GPHN: variants seen among roughly 807,000 people sequenced by gnomAD.
GPHN encodes gephyrin.
Under a neutral mutation model 95.5 loss-of-function variants are expected in GPHN, and 17 were observed. The observed-to-expected ratio is 0.18, with a 90% confidence interval of 0.12 to 0.27. The LOEUF is 0.27. Ranked by LOEUF, GPHN falls within the 10% of genes least tolerant of loss-of-function variation. The pLI is 1.00. For synonymous variants in GPHN, 320 were observed against 322.5 expected, an observed-to-expected ratio of 0.99 and a Z score of 0.08; for missense variants, 660 against 978.1, an observed-to-expected ratio of 0.67 and a Z score of 4.34.
chr14:66,572,290 G>A (rs1034148663), intron 1 of GPHN, among the ~76,000 whole-genome samples: 2 of 152,172 alleles, frequency 1.3e-5, no homozygotes, highest in African/African-American at 4.8e-5. Flanking sequence ...TGTGAAAAAT[G>A]CCATTGGAAT....
chr14:66,805,735 G>A (rs1314498795), intron 3 of GPHN, among the ~76,000 whole-genome samples: 1 of 152,202 alleles, frequency 6.6e-6, no homozygotes, highest in Non-Finnish European at 1.5e-5. Flanking sequence ...AGGCCACACT[G>A]ATGCAAGAGG....
At chr14:67,332,064 TTG>T in the GPHN span, among the ~76,000 whole-genome samples, 1 of 152,232 alleles carries the variant, frequency 6.6e-6, no homozygotes, top group East Asian at 1.9e-4. Context: ...CAATATAGTA[TTG>T]ATGTGTGACT....
chr14:67,269,852 A>C, the GPHN span: 1 of 152,534 alleles, frequency 6.6e-6, no homozygotes, highest in Non-Finnish European at 1.5e-5. Context: ...ATGGAAACAA[A>C]TAGTTTAACC....
intron 1 of GPHN, among the ~76,000 whole-genome samples, chr14:66,525,124 C>T (rs532709599): frequency 6.6e-5 from 10 of 152,158 alleles, no homozygotes; most frequent in South Asian, 2.1e-4. Context: ...AGTGTAAAAG[C>T]GTGCCTATTT....
chr14:67,375,045 GT>G, the GPHN span, among the ~76,000 whole-genome samples: 7 of 152,010 alleles, frequency 4.6e-5, no homozygotes, highest in Non-Finnish European at 8.8e-5. Flanking sequence ...ACTAGTTTTG[GT>G]TTTTTTCCCC....
chr14:67,693,111 T>G, the GPHN span: 1 of 1,130,700 alleles, frequency 8.8e-7, no homozygotes, highest in Non-Finnish European at 1.3e-6. Flanking sequence ...GCCAGTAGGT[T>G]CCTGCAACTC....
At chr14:67,379,312 C>A in the GPHN span, among the ~76,000 whole-genome samples, 1 of 152,162 alleles carries the variant, frequency 6.6e-6, no homozygotes, top group East Asian at 1.9e-4. Flanking sequence ...TGGTATATAT[C>A]TGATTTTTTC....
intron 19 of GPHN, among the ~76,000 whole-genome samples, chr14:67,161,590 G>A (rs996939057): frequency 7.9e-5 from 12 of 151,954 alleles, no homozygotes; most frequent in African/African-American, 2.4e-4. Context: ...GCAAAACCCC[G>A]TCTCTACAAA....
At chr14:67,076,763 T>C (rs1567298320) in intron 11 of GPHN, among the ~76,000 whole-genome samples, 2 of 152,188 alleles carry the variant, frequency 1.3e-5, no homozygotes, top group Non-Finnish European at 2.9e-5. Flanking sequence ...CAATAGCAGA[T>C]GGATTTATGT....
At chr14:67,037,890 A>G (rs1405101621) in intron 10 of GPHN, among the ~76,000 whole-genome samples, 2 of 151,916 alleles carry the variant, frequency 1.3e-5, no homozygotes, top group Non-Finnish European at 2.9e-5. Context: ...AGAAAATAGT[A>G]TGGCGTTTCT....
At position 67,144,286 on chromosome 14, in the gene GPHN, T is replaced by TATAC. The variant is rs1421893686; in HGVS notation, c.1836+838_1836+839insTACA. On this transcript the variant is annotated intron_variant, in intron 18 of 22. Transcript: ENST00000478722. ...ATATATATATATATATATATATATATACACACACACATACACAAATATTTT... is the reference window on the plus strand; with the variant it reads ...ATATATATATATATATATATATATATATACACACACACACATACACAAATATTTT... Among the ~76,000 whole-genome samples, 258 of 78,100 alleles carry TATAC rather than the reference T, an allele frequency of 3.3e-3. 42 individuals carry two copies. The highest frequency in any genetic ancestry group is 0.014 in the African/African-American group (214 of 15,654). 51.2% of individuals were successfully genotyped at this position (78,100 alleles called of 152,430 possible).
At chr14:67,176,611 A>C (rs112799090) in intron 21 of GPHN, among the ~76,000 whole-genome samples, 7,740 of 151,976 alleles carry the variant, frequency 0.051, 213 homozygotes, top group Middle Eastern at 0.068. Context: ...AGGGAGGATT[A>C]CCTCTTTTTC....
At chr14:67,186,327 A>G (rs1050670025), downstream of GPHN, among the ~76,000 whole-genome samples, 12 of 152,214 alleles carry the variant, frequency 7.9e-5, no homozygotes, top group Non-Finnish European at 1.8e-4. Flanking sequence ...GTGGAGGCCT[A>G]AATCAGATTC....
chr14:67,348,855 A>G, the GPHN span: 1 of 625,826 alleles, frequency 1.6e-6, no homozygotes, highest in South Asian at 2.0e-5. Flanking sequence ...TTCTATACAA[A>G]AGTCAAGTTA....
intron 1 of GPHN, among the ~76,000 whole-genome samples, chr14:66,584,354 CTT>C (rs1228633930): frequency 6.6e-6 from 1 of 152,152 alleles, no homozygotes; most frequent in Non-Finnish European, 1.5e-5. Context: ...TTGACTTCCT[CTT>C]TTCCTAATTG....
At chr14:66,560,826 C>T (rs1268958194) in intron 1 of GPHN, among the ~76,000 whole-genome samples, 1 of 152,126 alleles carries the variant, frequency 6.6e-6, no homozygotes, top group Non-Finnish European at 1.5e-5. Context: ...TGCCAGTTTT[C>T]AAAGGGAATG....
At chr14:67,672,973 G>A in the GPHN span, among the ~76,000 whole-genome samples, 2 of 152,176 alleles carry the variant, frequency 1.3e-5, no homozygotes, top group South Asian at 2.1e-4. Flanking sequence ...AAAGGCATTT[G>A]CAGTGCTATT....
At chr14:66,913,744 C>A (rs1230172243) in intron 5 of GPHN, among the ~76,000 whole-genome samples, 1 of 152,082 alleles carries the variant, frequency 6.6e-6, no homozygotes. Flanking sequence ...CAATTATAAA[C>A]TTCTTAAGCA....
chr14:66,761,073 G>T, intron 2 of GPHN: 1 of 438,064 alleles, frequency 2.3e-6, no homozygotes, highest in Non-Finnish European at 4.4e-6. Flanking sequence ...TTGGAGACTT[G>T]GAACTGCTAA....
Sources: allele counts gnomAD v4.1 joint callset (sites outside exome capture counted in the v4.1 genomes callset), GRCh38; gene constraint gnomAD v4.1.1; transcripts MANE v1.5; gene names NCBI Gene and HGNC (gene_info 2026-07-23, HGNC 2026-07-21).